PFDN5: variants seen among roughly 807,000 people sequenced by gnomAD.
PFDN5 encodes the protein prefoldin subunit 5.
Under a neutral mutation model 21.5 loss-of-function variants are expected in PFDN5, and 13 were observed. The ratio of observed to expected loss-of-function variants is 0.60; its 90% confidence interval spans 0.39 to 0.96. The LOEUF is 0.96. PFDN5 is among the 40% of genes least tolerant of loss of function. PFDN5 has a pLI of 0.00. For synonymous variants in PFDN5, 84 were observed against 68.9 expected, an observed-to-expected ratio of 1.22 and a Z score of -1.08; for missense variants, 188 against 186.2, an observed-to-expected ratio of 1.01 and a Z score of -0.06.
intron 5 of PFDN5, chr12:53,299,042 A>G: frequency 2.7e-6 from 1 of 370,898 alleles, no homozygotes. Flanking sequence ...AGGATGAGGC[A>G]GGAGAATCGC....
chr12:53,296,412 T>C (rs897515332), intron 3 of PFDN5, 137 bp downstream of exon 3: 11 of 755,214 alleles, frequency 1.5e-5, no homozygotes, highest in South Asian at 3.0e-5. Context: ...CCCTTTTTTT[T>C]TTTCTTTCTT....
intron 1 of PFDN5, 63 bp from the exon 2 acceptor site, chr12:53,295,776 C>G: frequency 7.9e-7 from 1 of 1,270,328 alleles, no homozygotes; most frequent in African/African-American, 1.5e-5. Context: ...CCTGCCCCCT[C>G]CCCGGCCGCG....
rs1213246954 is a variant in PFDN5, at chr12:53,299,209, C to G, written c.389-60C>G. On this transcript the variant is annotated intron_variant, in intron 5 of 5. Transcript: ENST00000334478. ...CTGTCCTTAAACTTGCCTGTCACTT[C>G]TCCTTAACTCTAGGTTCTCCTTTTT... 12 of 1,144,414 alleles carry G rather than the reference C, an allele frequency of 1.0e-5. No homozygotes were observed. In the Admixed American group the frequency reaches 2.1e-4, roughly 20 times the overall value. The allele number at this position is 1,144,414 out of a possible 1,614,324, so 70.9% of individuals were successfully genotyped here. A position where few individuals can be genotyped will look rare whatever the true frequency, so the allele number is the denominator to read the frequency against.
At position 53,296,256 on chromosome 12, in the gene PFDN5, T is replaced by A. The variant is rs774740680; in HGVS notation, c.188T>A (p.Leu63His). Residue 63 changes from leucine to histidine, a missense_variant, in exon 3 of 6, where the codon CTC becomes CAC. Transcript: ENST00000334478. ...ATTGCTTTCACAGGGAAAGAATTAC[T>A]CGTCCCACTGACGAGTTCTGTATCC... Reference protein sequence around the residue: ...LNKSNEGKELLVPLTSSMYVP... With the variant: ...LNKSNEGKELHVPLTSSMYVP... 2 of 1,609,326 alleles carry A rather than the reference T, an allele frequency of 1.2e-6. No homozygotes were observed. The highest frequency in any genetic ancestry group is 1.7e-6 in the Non-Finnish European group (2 of 1,177,406).
In PFDN5 at chr12:53,299,256, T is replaced by C. The variant is rs1434812989; in HGVS notation, c.389-13T>C. On this transcript the variant is annotated splice_polypyrimidine_tract_variant and intron_variant, in intron 5 of 5. Coordinates refer to ENST00000334478, the MANE Select transcript of PFDN5 (RefSeq NM_002624.4). ...TTTTGCTTCTAACCTTTGACTCTTA[T>C]TTTTTTCCACAGCCGTCATGGAAAT... 1.9e-6 allele frequency: 3 copies of C among 1,600,382 alleles called. No individual in the cohort carries two copies. Among genetic ancestry groups the C allele is most frequent in the South Asian group, 2.2e-5 (2 of 90,674 alleles).
intron 5 of PFDN5, 133 bp from the exon 6 acceptor site, chr12:53,299,136 C>CAAAAA: frequency 2.0e-5 from 7 of 358,580 alleles, no homozygotes; most frequent in Admixed American, 4.0e-5. Flanking sequence ...GATTCTGTCT[C>CAAAAA]AAAAAAAAAA....
At chr12:53,296,181 C>A in intron 2 of PFDN5, 63 bp from the exon 3 acceptor site, 1 of 1,462,054 alleles carries the variant, frequency 6.8e-7, no homozygotes, top group South Asian at 1.2e-5. Flanking sequence ...TTGGAACTCT[C>A]TTTAACGTCT....
At chr12:53,296,460 G>C (rs1395508819) in intron 3 of PFDN5, 185 bp downstream of exon 3, 1 of 682,130 alleles carries the variant, frequency 1.5e-6, no homozygotes, top group African/African-American at 1.8e-5. Flanking sequence ...CCAGGCTGGA[G>C]CGCAATGGTG....
At chr12:53,296,179 C>G (rs1031916416) in intron 2 of PFDN5, 65 bp from the exon 3 acceptor site, 2 of 1,430,782 alleles carry the variant, frequency 1.4e-6, no homozygotes, top group Non-Finnish European at 9.8e-7. Context: ...TGTTGGAACT[C>G]TCTTTAACGT....
At chr12:53,297,560 T>C (rs1944166837) in intron 3 of PFDN5, 2 of 389,690 alleles carry the variant, frequency 5.1e-6, no homozygotes, top group East Asian at 1.0e-4. Flanking sequence ...GTCTAGTCTT[T>C]CTGGAGGGGC....
chr12:53,298,145 A>G lies in PFDN5; in HGVS notation c.383A>G (p.Lys128Arg), dbSNP rs1324870543. The G allele has an allele frequency of 6.2e-7, 1 of 1,605,940 alleles. No homozygotes were observed. The highest frequency in any genetic ancestry group is 8.5e-7 in the Non-Finnish European group (1 of 1,172,614). ...GCTCTTCAGGAGAAGCACGCCATGA[A>G]ACAGGGTAAGTTTTTCCTGGGGCAC... ...QPALQEKHAM[K>R]QAVMEMMSQK... Residue 128 changes from lysine (K) to arginine (R), a missense_variant, in exon 5 of 6, where the codon AAA becomes AGA. Transcript: ENST00000334478.
intron 3 of PFDN5, chr12:53,297,103 A>C (rs1464002716): frequency 6.5e-6 from 1 of 152,918 alleles, no homozygotes; most frequent in Non-Finnish European, 1.5e-5. Context: ...AAAGGAACAC[A>C]GGAATAGTAG....
At chr12:53,296,598 G>A (rs1944154731) in intron 3 of PFDN5, 1 of 411,286 alleles carries the variant, frequency 2.4e-6, no homozygotes, top group African/African-American at 2.1e-5. Flanking sequence ...TAGTAGAGTT[G>A]GGGGTTTCAC....
chr12:53,298,005 G>C (rs1457105154), intron 4 of PFDN5, 40 bp from the exon 5 acceptor site: 17 of 1,561,960 alleles, frequency 1.1e-5, no homozygotes, highest in Non-Finnish European at 1.5e-5. Context: ...TGGCCAGAGG[G>C]AGTCTCCTTT....
rs748216819 is a variant in PFDN5 at position 53,296,257 on chromosome 12, C to T, written c.189C>T (p.Leu63=). Residue 63 remains leucine, a synonymous_variant, in exon 3 of 6, where the codon CTC becomes CTT. Coordinates refer to ENST00000334478, the MANE Select transcript of PFDN5 (RefSeq NM_002624.4). ...LNKSNEGKEL[L]VPLTSSMYVP... ...TTGCTTTCACAGGGAAAGAATTACT[C>T]GTCCCACTGACGAGTTCTGTATCCT... 6 of 1,609,104 alleles carry T rather than the reference C, an allele frequency of 3.7e-6. No homozygotes were observed. The highest frequency in any genetic ancestry group is 2.2e-5 in the East Asian group (1 of 44,832).
In PFDN5 at chr12:53,295,660, C is replaced by T. The variant is rs1178594892; in HGVS notation, c.72+21C>T. On this transcript the variant is annotated intron_variant, in intron 1 of 5. Transcript: ENST00000334478. The stretch of plus-strand genomic sequence containing the variant: ...ACCAGGTGGGGACGGGCCCCAGAGG[C>T]ACCTCTTTCCTGCTCTACATCCCCC... The T allele has an allele frequency of 2.5e-6, 4 of 1,595,186 alleles. No homozygotes were observed. In the Admixed American group the frequency reaches 6.7e-5, roughly 27 times the overall value.
intron 3 of PFDN5, chr12:53,296,803 T>C (rs1293045788): frequency 4.8e-6 from 1 of 207,526 alleles, no homozygotes; most frequent in Non-Finnish European, 9.7e-6. Flanking sequence ...GGAGTATGTA[T>C]AGTTGAGATG....
intron 5 of PFDN5, 30 bp from the exon 6 acceptor site, chr12:53,299,239 C>G: frequency 6.5e-7 from 1 of 1,534,878 alleles, no homozygotes; most frequent in Non-Finnish European, 9.0e-7. Context: ...CTTTTTGCTT[C>G]TAACCTTTGA....
chr12:53,295,804 T>G (rs1944142866), intron 1 of PFDN5, 35 bp from the exon 2 acceptor site: 1 of 1,369,356 alleles, frequency 7.3e-7, no homozygotes, highest in Admixed American at 1.7e-5. Flanking sequence ...CTCCCCTTAG[T>G]CCTCTCATTG....
Sources: gnomAD v4.1 joint callset for allele counts on GRCh38, gnomAD v4.1.1 for gene constraint, MANE v1.5 for transcripts, NCBI Gene and HGNC (gene_info 2026-07-23, HGNC 2026-07-21) for gene names.